KDM4C: variants seen among roughly 807,000 people sequenced by gnomAD.
The protein encoded by KDM4C is lysine demethylase 4C, also known as lysine-specific demethylase 4C.
A neutral mutation model predicts 129.3 loss-of-function variants in KDM4C; 81 were observed. The ratio of observed to expected loss-of-function variants is 0.63; its 90% confidence interval spans 0.52 to 0.75. The LOEUF (loss-of-function observed/expected upper bound fraction) is 0.75. Among genes scored for constraint, KDM4C ranks in the 30% least tolerant of loss-of-function variants. KDM4C has a pLI of 0.00. For synonymous variants in KDM4C, 573 were observed against 456.1 expected, an observed-to-expected ratio of 1.26 and a Z score of -3.26; for missense variants, 1,457 against 1,304.0, an observed-to-expected ratio of 1.12 and a Z score of -1.81.
At chr9:6,989,573 A>C (rs1402831815) in intron 11 of KDM4C, among the ~76,000 whole-genome samples, 1 of 152,218 alleles carries the variant, frequency 6.6e-6, no homozygotes, top group Non-Finnish European at 1.5e-5. Context: ...CATTAAAAAA[A>C]GAGAATACTT....
upstream of KDM4C, among the ~76,000 whole-genome samples, chr9:6,756,092 T>C (rs1207530763): frequency 6.6e-6 from 1 of 152,212 alleles, no homozygotes; most frequent in Non-Finnish European, 1.5e-5. Context: ...AGATTTTTTA[T>C]TCTGGTGCAC....
intron 4 of KDM4C, among the ~76,000 whole-genome samples, chr9:6,841,761 A>G (rs1255426544): frequency 6.6e-6 from 1 of 152,218 alleles, no homozygotes; most frequent in Non-Finnish European, 1.5e-5. Flanking sequence ...AGCAGAATGC[A>G]TGATCAGGCC....
At chr9:6,909,766 T>C (rs1029436902) in intron 8 of KDM4C, among the ~76,000 whole-genome samples, 10 of 152,136 alleles carry the variant, frequency 6.6e-5, no homozygotes, top group Non-Finnish European at 1.3e-4. Context: ...GAAAAACAAA[T>C]TTGGATTTCT....
intron 12 of KDM4C, among the ~76,000 whole-genome samples, chr9:6,992,750 T>A (rs1293941251): frequency 6.6e-6 from 1 of 152,232 alleles, no homozygotes; most frequent in Non-Finnish European, 1.5e-5. Flanking sequence ...TTGGGGGATT[T>A]TCTGTCCTAA....
At chr9:6,803,360 C>G (rs1313525728) in intron 2 of KDM4C, among the ~76,000 whole-genome samples, 3 of 151,970 alleles carry the variant, frequency 2.0e-5, no homozygotes, top group African/African-American at 7.3e-5. Context: ...ATCACGCTGT[C>G]AAGAGATCGA....
chr9:7,068,091 C>T (rs1832694079), intron 17 of KDM4C, among the ~76,000 whole-genome samples: 2 of 152,146 alleles, frequency 1.3e-5, no homozygotes, highest in Admixed American at 6.5e-5. Context: ...CCACCGCACC[C>T]AGCTGATTTT....
intron 5 of KDM4C, among the ~76,000 whole-genome samples, chr9:6,864,974 A>T (rs1291573666): frequency 6.7e-6 from 1 of 150,324 alleles, no homozygotes; most frequent in African/African-American, 2.4e-5. Flanking sequence ...TTGATTTTTT[A>T]AAAATTATTT....
intron 17 of KDM4C, among the ~76,000 whole-genome samples, chr9:7,093,148 G>C (rs1446420506): frequency 6.6e-6 from 1 of 152,072 alleles, no homozygotes; most frequent in African/African-American, 2.4e-5. Flanking sequence ...CTTCCATGAA[G>C]AAAATGTGCA....
At chr9:6,886,586 G>C (rs183080486) in intron 6 of KDM4C, among the ~76,000 whole-genome samples, 1 of 151,412 alleles carries the variant, frequency 6.6e-6, no homozygotes, top group African/African-American at 2.4e-5. Flanking sequence ...CTACCTCCCG[G>C]GTTCAAGCAA....
intron 8 of KDM4C, among the ~76,000 whole-genome samples, chr9:6,969,924 G>T (rs1301506045): frequency 6.6e-6 from 1 of 152,152 alleles, no homozygotes; most frequent in Non-Finnish European, 1.5e-5. Context: ...TTCCCATGTT[G>T]TGGCAGAGAT....
intron 18 of KDM4C, among the ~76,000 whole-genome samples, chr9:7,125,362 C>T (rs892023984): frequency 6.6e-6 from 1 of 152,220 alleles, no homozygotes; most frequent in African/African-American, 2.4e-5. Context: ...TCAGTCTTCT[C>T]TCACGCCACC....
chr9:6,848,513 C>T (rs563568351), intron 4 of KDM4C, among the ~76,000 whole-genome samples: 41 of 152,066 alleles, frequency 2.7e-4, no homozygotes, highest in African/African-American at 9.4e-4. Flanking sequence ...ACTCAAAATA[C>T]GAAACATTAG....
chr9:6,902,261 T>G (rs980558894), intron 8 of KDM4C, among the ~76,000 whole-genome samples: 1 of 152,192 alleles, frequency 6.6e-6, no homozygotes, highest in African/African-American at 2.4e-5. Flanking sequence ...GCCCACATAT[T>G]TCATGATCAA....
intron 8 of KDM4C, among the ~76,000 whole-genome samples, chr9:6,907,877 C>T (rs999773689): frequency 6.6e-6 from 1 of 152,186 alleles, no homozygotes; most frequent in Non-Finnish European, 1.5e-5. Context: ...CACTATTAGA[C>T]TGTAAATTGT....
At chr9:7,123,596 G>A (rs1036086246) in intron 18 of KDM4C, among the ~76,000 whole-genome samples, 2 of 152,164 alleles carry the variant, frequency 1.3e-5, no homozygotes, top group Non-Finnish European at 2.9e-5. Flanking sequence ...CAGACACCGT[G>A]CTGGGTTCTG....
chr9:6,917,655 G>A (rs780370254), intron 8 of KDM4C, among the ~76,000 whole-genome samples: 3 of 152,146 alleles, frequency 2.0e-5, no homozygotes, highest in South Asian at 2.1e-4. Flanking sequence ...CCATGTTGCC[G>A]AGTTCGTTGG....
chr9:6,985,208 A>G (rs1467900591), intron 10 of KDM4C, among the ~76,000 whole-genome samples: 3 of 152,196 alleles, frequency 2.0e-5, no homozygotes, highest in Non-Finnish European at 4.4e-5. Flanking sequence ...CCAGGTGGCC[A>G]TTAGAGTGAT....
intron 1 of KDM4C, chr9:6,735,089 C>G (rs1817483875): frequency 2.4e-6 from 1 of 417,154 alleles, no homozygotes; most frequent in Non-Finnish European, 4.7e-6. Flanking sequence ...TTCCAGCAGC[C>G]TATGCAATGA....
At chr9:7,004,139 A>G (rs1191847644) in intron 12 of KDM4C, among the ~76,000 whole-genome samples, 1 of 152,216 alleles carries the variant, frequency 6.6e-6, no homozygotes, top group Non-Finnish European at 1.5e-5. Flanking sequence ...AGCTTTTCTC[A>G]TCTGCTGAGT....
Sources: gnomAD v4.1 joint callset for allele counts (sites outside exome capture counted in the v4.1 genomes callset) on GRCh38, gnomAD v4.1.1 for gene constraint, MANE v1.5 for transcripts, NCBI Gene and HGNC (gene_info 2026-07-23, HGNC 2026-07-21) for gene names.